PTPRD: variants seen among roughly 807,000 people sequenced by gnomAD.
PTPRD encodes protein tyrosine phosphatase receptor type D, also known as receptor-type tyrosine-protein phosphatase delta.
Under a neutral mutation model 214.5 loss-of-function variants are expected in PTPRD, and 34 were observed. The observed-to-expected ratio is 0.16, with a 90% CI of 0.12 to 0.21. PTPRD has a LOEUF of 0.21. Among genes scored for constraint, PTPRD ranks in the 10% least tolerant of loss-of-function variants. The pLI is 1.00. For missense variants in PTPRD, 2,545 were observed against 2,398.7 expected (o/e 1.06, Z -1.27); for synonymous variants, 1,128 against 845.7 (o/e 1.33, Z -5.79).
intron 10 of PTPRD, among the ~76,000 whole-genome samples, chr9:9,166,128 C>G (rs1334141934): frequency 1.4e-5 from 2 of 147,666 alleles, no homozygotes; most frequent in African/African-American, 5.0e-5. Context: ...TATATCAAGA[C>G]TCTGGGTTTG....
At chr9:8,331,926 T>TAAATCCTAAATTTATTTACTCTTG (rs35301976) in intron 43 of PTPRD, among the ~76,000 whole-genome samples, 190 bp from the exon 44 acceptor site, 4 of 150,968 alleles carry the variant, frequency 2.6e-5, no homozygotes, top group Non-Finnish European at 5.9e-5. Context: ...CACATACCTT[T>TAAATCCTAAATTTATTTACTCTTG]AAATCCTAAA....
At chr9:9,831,743 T>C (rs1250398942) in intron 5 of PTPRD, among the ~76,000 whole-genome samples, 1 of 152,006 alleles carries the variant, frequency 6.6e-6, no homozygotes, top group African/African-American at 2.4e-5. Flanking sequence ...ATATCATCAA[T>C]AAGGAATTTT....
chr9:9,029,193 T>A (rs2099596767), intron 10 of PTPRD, among the ~76,000 whole-genome samples: 2 of 152,068 alleles, frequency 1.3e-5, no homozygotes, highest in East Asian at 1.9e-4. Flanking sequence ...TTTTATAATA[T>A]GACTACTAGA....
chr9:9,314,542 T>C (rs781479008), intron 9 of PTPRD, among the ~76,000 whole-genome samples: 3 of 152,084 alleles, frequency 2.0e-5, no homozygotes, highest in Admixed American at 1.3e-4. Flanking sequence ...CAAATGAATA[T>C]AGAGTAGCAG....
intron 11 of PTPRD, among the ~76,000 whole-genome samples, chr9:8,888,864 A>G (rs961651239): frequency 6.6e-6 from 1 of 152,196 alleles, no homozygotes; most frequent in African/African-American, 2.4e-5. Context: ...AGGTTATTGT[A>G]CTTATTAACT....
intron 5 of PTPRD, among the ~76,000 whole-genome samples, chr9:9,873,051 A>G (rs2065905006): frequency 6.6e-6 from 1 of 152,184 alleles, no homozygotes; most frequent in African/African-American, 2.4e-5. Context: ...AATAATCTAT[A>G]TAATAGGATT....
At chr9:8,985,429 G>T (rs374263145) in intron 11 of PTPRD, among the ~76,000 whole-genome samples, 1 of 151,946 alleles carries the variant, frequency 6.6e-6, no homozygotes, top group African/African-American at 2.4e-5. Context: ...ATTAATACAG[G>T]TTGTAATAGC....
At chr9:10,187,244 T>G (rs892810237) in intron 3 of PTPRD, among the ~76,000 whole-genome samples, 12 of 152,148 alleles carry the variant, frequency 7.9e-5, no homozygotes, top group Non-Finnish European at 1.6e-4. Context: ...TGAAATAGGA[T>G]GAATAGATGA....
At chr9:8,511,705 C>G (rs2097686066) in intron 21 of PTPRD, among the ~76,000 whole-genome samples, 1 of 151,822 alleles carries the variant, frequency 6.6e-6, no homozygotes, top group Non-Finnish European at 1.5e-5. Flanking sequence ...ATAAAAGAAG[C>G]AAAAATTTTT....
intron 3 of PTPRD, among the ~76,000 whole-genome samples, chr9:10,192,733 C>T (rs2099373733): frequency 6.6e-6 from 1 of 152,094 alleles, no homozygotes; most frequent in African/African-American, 2.4e-5. Flanking sequence ...AAAGGAATAG[C>T]TCAACTAGAG....
At chr9:10,260,562 T>G (rs1176131290) in intron 3 of PTPRD, among the ~76,000 whole-genome samples, 1 of 152,172 alleles carries the variant, frequency 6.6e-6, no homozygotes, top group East Asian at 1.9e-4. Context: ...TCCTAAATCC[T>G]TAGATCCCAT....
At chr9:10,503,776 G>A (rs954304478) in intron 2 of PTPRD, among the ~76,000 whole-genome samples, 3 of 151,858 alleles carry the variant, frequency 2.0e-5, no homozygotes, top group African/African-American at 7.3e-5. Flanking sequence ...AAGCCAAATA[G>A]GGGACAATAG....
At chr9:9,473,397 A>C (rs537378819) in intron 8 of PTPRD, among the ~76,000 whole-genome samples, 1 of 152,130 alleles carries the variant, frequency 6.6e-6, no homozygotes, top group African/African-American at 2.4e-5. Context: ...GGTTGATTCC[A>C]TATCTTGTCT....
intron 4 of PTPRD, among the ~76,000 whole-genome samples, chr9:9,993,254 C>T (rs2096010515): frequency 6.6e-6 from 1 of 152,140 alleles, no homozygotes; most frequent in South Asian, 2.1e-4. Flanking sequence ...TGGACATATG[C>T]ATAAACAATG....
chr9:9,995,913 G>A (rs1341435209), intron 4 of PTPRD, among the ~76,000 whole-genome samples: 2 of 152,050 alleles, frequency 1.3e-5, no homozygotes, highest in East Asian at 1.9e-4. Flanking sequence ...GTGACTGGGA[G>A]CTCACTACTT....
intron 36 of PTPRD, among the ~76,000 whole-genome samples, chr9:8,395,893 A>AT (rs2091016682): frequency 6.6e-6 from 1 of 152,074 alleles, no homozygotes; most frequent in African/African-American, 2.4e-5. Flanking sequence ...GGGAATTACC[A>AT]GCACCTGTGA....
chr9:9,535,862 G>A (rs1195731333), intron 8 of PTPRD, among the ~76,000 whole-genome samples: 3 of 151,978 alleles, frequency 2.0e-5, no homozygotes, highest in African/African-American at 7.2e-5. Context: ...AGGAGAAGGA[G>A]GTACAGGTTA....
At chr9:8,915,592 G>A (rs2098779790) in intron 11 of PTPRD, among the ~76,000 whole-genome samples, 1 of 152,156 alleles carries the variant, frequency 6.6e-6, no homozygotes. Flanking sequence ...GCTACAGCTG[G>A]CAAGCTAGAG....
At chr9:10,448,066 G>A (rs895304710) in intron 2 of PTPRD, among the ~76,000 whole-genome samples, 1 of 151,884 alleles carries the variant, frequency 6.6e-6, no homozygotes, top group East Asian at 1.9e-4. Flanking sequence ...TTTTTTAGTT[G>A]AGGAAACTGA....
Sources: allele counts gnomAD v4.1 joint callset (sites outside exome capture counted in the v4.1 genomes callset), GRCh38; gene constraint gnomAD v4.1.1; transcripts MANE v1.5; gene names NCBI Gene and HGNC (gene_info 2026-07-23, HGNC 2026-07-21).